The following UNC5D variants were observed in gnomAD, a reference collection of about 807,000 sequenced individuals.
The protein encoded by UNC5D is unc-5 netrin receptor D, also known as netrin receptor UNC5D.
In UNC5D, 39 loss-of-function variants were observed where a neutral mutation model predicts 105.4. The ratio of observed to expected loss-of-function variants is 0.37; its 90% CI spans 0.29 to 0.48. The LOEUF (loss-of-function observed/expected upper bound fraction) is 0.48. UNC5D is among the 20% of genes least tolerant of loss of function. UNC5D has a pLI of 0.98. For synonymous variants in UNC5D, 452 were observed against 450.4 expected, an observed-to-expected ratio of 1.00 and a Z score of -0.04; for missense variants, 991 against 1,202.4, an observed-to-expected ratio of 0.82 and a Z score of 2.60.
In UNC5D at chr8:35,618,053, C is replaced by G. The variant is rs551722574; in HGVS notation, c.570+22396C>G. On this transcript the variant is annotated intron_variant, in intron 4 of 16. Transcript: ENST00000404895. ...ATTTCTGTGTGCAGGAAGTGTCAGG[C>G]TGACGATTCATATACTGGCTCAACA... Among the ~76,000 whole-genome samples the G allele has an allele frequency of 5.9e-5, 9 of 152,304 alleles. 1 individual carries two copies. The East Asian group carries it at 9.7e-4, about 16-fold the overall frequency.
intron 1 of UNC5D, among the ~76,000 whole-genome samples, chr8:35,307,782 C>T (rs1281989954): frequency 1.3e-5 from 2 of 152,044 alleles, no homozygotes; most frequent in African/African-American, 4.8e-5. Context: ...TGCCTTCCTA[C>T]ACATGCATAT....
chr8:35,595,527 T>A (rs1164002513), intron 3 of UNC5D, 27 bp from the exon 4 acceptor site: 2 of 1,606,688 alleles, frequency 1.2e-6, no homozygotes, highest in Non-Finnish European at 1.7e-6. Flanking sequence ...TGAAACAAAG[T>A]GTCACCTATC....
chr8:35,572,300 A>AAC (rs1237256352), intron 3 of UNC5D, among the ~76,000 whole-genome samples: 5 of 139,488 alleles, frequency 3.6e-5, no homozygotes, highest in African/African-American at 1.4e-4. Flanking sequence ...AAAAAAAAAA[A>AAC]CCCACACAAA....
Position 35,529,141 on chromosome 8 carries a change from G to A in UNC5D, c.104-20151G>A, listed in dbSNP as rs1462604795. Among the ~76,000 whole-genome samples, 11 of 142,054 alleles carry A rather than the reference G, an allele frequency of 7.7e-5. No individual in the cohort carries two copies. The East Asian group carries it at 2.2e-3, about 28-fold the overall frequency. 93.2% of individuals were successfully genotyped at this position (142,054 alleles called of 152,430 possible). On this transcript the variant is annotated intron_variant, in intron 1 of 16. Transcript: ENST00000404895. ...CCTTGCCCATGCCTACGTCCTGAAT[G>A]GTAATGCCTAGGTTTTCTTCTAGGG... is the stretch of plus-strand genomic sequence containing the variant.
intron 4 of UNC5D, among the ~76,000 whole-genome samples, chr8:35,617,897 C>T (rs1213893166): frequency 2.0e-5 from 3 of 152,198 alleles, no homozygotes; most frequent in African/African-American, 7.2e-5. Flanking sequence ...TATTGGCTTC[C>T]AGATCTGGCT....
intron 7 of UNC5D, among the ~76,000 whole-genome samples, chr8:35,703,518 G>A (rs1008794286): frequency 1.8e-4 from 28 of 152,202 alleles, no homozygotes; most frequent in African/African-American, 5.8e-4. Flanking sequence ...GTGTGCCCTT[G>A]TTGCCTGATT....
intron 4 of UNC5D, among the ~76,000 whole-genome samples, chr8:35,620,002 G>A (rs143477088): frequency 5.3e-5 from 8 of 152,254 alleles, no homozygotes; most frequent in East Asian, 1.9e-4. Flanking sequence ...CAGCTCATTC[G>A]CTCAGCACAG....
At chr8:35,426,532 C>T (rs189476626) in intron 1 of UNC5D, among the ~76,000 whole-genome samples, 1 of 152,154 alleles carries the variant, frequency 6.6e-6, no homozygotes, top group Admixed American at 6.5e-5. Context: ...TAAACATACT[C>T]TTCTAGTATC....
chr8:35,488,370 T>C (rs1810967389), intron 1 of UNC5D, among the ~76,000 whole-genome samples: 1 of 152,204 alleles, frequency 6.6e-6, no homozygotes, highest in Non-Finnish European at 1.5e-5. Context: ...ACATGGGTTA[T>C]CTTTCAAGAA....
In UNC5D at chr8:35,512,569, A is replaced by ATATATATCTC. The variant is rs539399345; in HGVS notation, c.104-36722_104-36721insATATATCTCT. ...TATATATATATATATATATATATAT[A>ATATATATCTC]TCTGAATAGATTACTAAATGGAGAT... On this transcript the variant is annotated intron_variant, in intron 1 of 16. Coordinates refer to ENST00000404895, the MANE Select transcript of UNC5D (RefSeq NM_080872.4). Among the ~76,000 whole-genome samples the ATATATATCTC allele has an allele frequency of 1.8e-3, 118 of 64,810 alleles. 8 individuals carry two copies. Among genetic ancestry groups the ATATATATCTC allele is most frequent in the East Asian group, 6.2e-3 (14 of 2,256 alleles). The allele number at this position is 64,810 out of a possible 152,430, so 42.5% of individuals were successfully genotyped here.
chr8:35,399,145 CAAAAA>C (rs1029547730), intron 1 of UNC5D, among the ~76,000 whole-genome samples: 40 of 54,690 alleles, frequency 7.3e-4, no homozygotes, highest in African/African-American at 2.7e-3. Flanking sequence ...ACTCCATCTC[CAAAAA>C]AAAAAAAAAA....
chr8:35,375,728 G>A (rs1309534191), intron 1 of UNC5D, among the ~76,000 whole-genome samples: 1 of 152,144 alleles, frequency 6.6e-6, no homozygotes, highest in Non-Finnish European at 1.5e-5. Flanking sequence ...ATTTCATGGA[G>A]TCGGCAGTTT....
In UNC5D at chr8:35,782,505, T is replaced by A. The variant is rs1339948810; in HGVS notation, c.2658-7854T>A. On this transcript the variant is annotated intron_variant, in intron 16 of 16. Transcript: ENST00000404895. Reference sequence around the variant, plus strand: ...TGTACTGACAAACTACTCAAAAATTTTTTTTTTTTTTTTTTTGAGACGGAG... The same window carrying A: ...TGTACTGACAAACTACTCAAAAATTATTTTTTTTTTTTTTTTGAGACGGAG... Among the ~76,000 whole-genome samples, 19 of 150,076 alleles carry A rather than the reference T, an allele frequency of 1.3e-4. 1 individual carries two copies. Among genetic ancestry groups the A allele is most frequent in the South Asian group, 4.2e-4 (2 of 4,742 alleles).
intron 1 of UNC5D, among the ~76,000 whole-genome samples, chr8:35,394,910 C>A (rs1247772975): frequency 1.3e-5 from 2 of 152,080 alleles, no homozygotes; most frequent in African/African-American, 4.8e-5. Flanking sequence ...TGTTTCATAC[C>A]CTTTTTGTAT....
intron 1 of UNC5D, among the ~76,000 whole-genome samples, chr8:35,424,582 C>A (rs1806120812): frequency 6.6e-6 from 1 of 152,140 alleles, no homozygotes; most frequent in East Asian, 1.9e-4. Context: ...ACAAGATTCC[C>A]TAGACCCCAT....
At chr8:35,386,466 GT>G (rs916380330) in intron 1 of UNC5D, among the ~76,000 whole-genome samples, 3 of 152,128 alleles carry the variant, frequency 2.0e-5, no homozygotes, top group African/African-American at 7.2e-5. Flanking sequence ...TCTGTTAATT[GT>G]TTTTTACTAA....
At chr8:35,422,884 C>T (rs914107491) in intron 1 of UNC5D, among the ~76,000 whole-genome samples, 2 of 152,100 alleles carry the variant, frequency 1.3e-5, no homozygotes, top group Non-Finnish European at 2.9e-5. Flanking sequence ...TGTGTAGTTA[C>T]AGTAATTAAA....
At chr8:35,451,846 T>C (rs571451608) in intron 1 of UNC5D, among the ~76,000 whole-genome samples, 2 of 152,254 alleles carry the variant, frequency 1.3e-5, no homozygotes, top group East Asian at 1.9e-4. Context: ...CAGTGTGATA[T>C]TGGGAGAAGA....
chr8:35,769,823 A>C (rs1478220908), intron 15 of UNC5D, among the ~76,000 whole-genome samples: 1 of 151,892 alleles, frequency 6.6e-6, no homozygotes, highest in Non-Finnish European at 1.5e-5. Flanking sequence ...ATTAGCCGGG[A>C]GTGTTGGCGG....
Sources: allele counts gnomAD v4.1 joint callset (sites outside exome capture counted in the v4.1 genomes callset), GRCh38; gene constraint gnomAD v4.1.1; transcripts MANE v1.5; gene names NCBI Gene and HGNC (gene_info 2026-07-23, HGNC 2026-07-21).